Variants in DLG2 observed in about 807,000 individuals in gnomAD.
DLG2 encodes the protein disks large homolog 2.
Under a neutral mutation model 132.5 loss-of-function variants are expected in DLG2, and 45 were observed. The ratio of observed to expected loss-of-function variants is 0.34; its 90% CI spans 0.27 to 0.44. The LOEUF is 0.44. Ranked by LOEUF, DLG2 falls within the 20% of genes least tolerant of loss-of-function variation. The pLI, the probability that DLG2 is intolerant of heterozygous loss-of-function variation, is 1.00. For missense variants in DLG2, 1,045 were observed against 1,196.9 expected, an observed-to-expected ratio of 0.87 and a Z score of 1.87; for synonymous variants, 424 against 419.6, an observed-to-expected ratio of 1.01 and a Z score of -0.13.
chr11:83,904,386 T>G (rs1274605346), intron 15 of DLG2, among the ~76,000 whole-genome samples: 5 of 126,828 alleles, frequency 3.9e-5, no homozygotes, highest in African/African-American at 9.5e-5. Flanking sequence ...TGTGACAATT[T>G]GAAAAAAAAA....
At chr11:85,072,020 C>A (rs182796100) in intron 6 of DLG2, among the ~76,000 whole-genome samples, 7 of 151,850 alleles carry the variant, frequency 4.6e-5, no homozygotes, top group African/African-American at 1.2e-4. Context: ...TCTTAGCATC[C>A]CTATGTCACT....
At chr11:84,706,036 C>T (rs1201901833) in intron 6 of DLG2, among the ~76,000 whole-genome samples, 1 of 151,724 alleles carries the variant, frequency 6.6e-6, no homozygotes, top group East Asian at 1.9e-4. Context: ...GTCCATGACT[C>T]CATGTGAGCA....
intron 20 of DLG2, among the ~76,000 whole-genome samples, chr11:83,537,258 A>G (rs2095902600): frequency 1.3e-5 from 2 of 152,220 alleles, no homozygotes; most frequent in Admixed American, 1.3e-4. Context: ...CCCATCTGGT[A>G]TTTTTAGGTT....
chr11:85,439,390 C>T (rs1489307129), intron 3 of DLG2, among the ~76,000 whole-genome samples: 5 of 147,798 alleles, frequency 3.4e-5, no homozygotes, highest in Non-Finnish European at 7.4e-5. Context: ...TGGACAGCCT[C>T]GCTCTGTCGC....
At chr11:83,928,929 C>A (rs200411429) in intron 15 of DLG2, among the ~76,000 whole-genome samples, 1 of 152,244 alleles carries the variant, frequency 6.6e-6, no homozygotes, top group East Asian at 1.9e-4. Context: ...CACTTCCTTA[C>A]GGCTATGGTG....
intron 6 of DLG2, among the ~76,000 whole-genome samples, chr11:84,727,702 T>G (rs879777491): frequency 5.3e-5 from 8 of 152,200 alleles, no homozygotes; most frequent in Non-Finnish European, 1.2e-4. Context: ...ATGGCCATTT[T>G]CCCAATATTG....
At chr11:85,550,358 C>T (rs1022309952) in intron 3 of DLG2, among the ~76,000 whole-genome samples, 3 of 152,242 alleles carry the variant, frequency 2.0e-5, no homozygotes, top group African/African-American at 7.2e-5. Flanking sequence ...TGCAGGCACC[C>T]CAACTGGACG....
At chr11:85,102,426 C>A (rs1342389952) in intron 6 of DLG2, among the ~76,000 whole-genome samples, 1 of 151,824 alleles carries the variant, frequency 6.6e-6, no homozygotes, top group Non-Finnish European at 1.5e-5. Context: ...AGAAAAATAG[C>A]CCAGAGAAAG....
At chr11:85,147,044 T>G (rs1195057845) in intron 5 of DLG2, among the ~76,000 whole-genome samples, 1 of 152,188 alleles carries the variant, frequency 6.6e-6, no homozygotes, top group African/African-American at 2.4e-5. Flanking sequence ...CACTTCACTC[T>G]CTCTCCTGCG....
intron 10 of DLG2, among the ~76,000 whole-genome samples, chr11:84,092,910 C>A (rs1244777270): frequency 1.3e-5 from 2 of 151,822 alleles, no homozygotes; most frequent in Non-Finnish European, 2.9e-5. Flanking sequence ...GTGGCGGGCA[C>A]CTGCAGTCCC....
chr11:84,901,878 T>C (rs1421949309), intron 6 of DLG2, among the ~76,000 whole-genome samples: 1 of 152,112 alleles, frequency 6.6e-6, no homozygotes, highest in Admixed American at 6.6e-5. Flanking sequence ...CTAAACATTT[T>C]CTTAGTGTTG....
At chr11:84,961,555 T>A (rs1463697969) in intron 6 of DLG2, among the ~76,000 whole-genome samples, 1 of 151,800 alleles carries the variant, frequency 6.6e-6, no homozygotes, top group Non-Finnish European at 1.5e-5. Context: ...TGTGTGTGTG[T>A]GTGTGTGTGT....
chr11:83,669,857 A>T (rs1188783259), intron 18 of DLG2, among the ~76,000 whole-genome samples: 1 of 152,268 alleles, frequency 6.6e-6, no homozygotes, highest in Non-Finnish European at 1.5e-5. Context: ...GAAAGAGCAA[A>T]CACTTGCAAT....
intron 4 of DLG2, among the ~76,000 whole-genome samples, chr11:85,198,059 C>T (rs2081193466): frequency 6.6e-6 from 1 of 151,808 alleles, no homozygotes; most frequent in African/African-American, 2.4e-5. Context: ...CGGGACCAAA[C>T]TTATTAGACG....
At chr11:84,972,355 G>C (rs935225061) in intron 6 of DLG2, among the ~76,000 whole-genome samples, 1 of 152,126 alleles carries the variant, frequency 6.6e-6, no homozygotes, top group Non-Finnish European at 1.5e-5. Context: ...CCAACACTCT[G>C]ATTAAGTTAG....
chr11:84,724,251 G>T (rs2062153717), intron 6 of DLG2, among the ~76,000 whole-genome samples: 1 of 151,784 alleles, frequency 6.6e-6, no homozygotes, highest in African/African-American at 2.4e-5. Context: ...TTCCAATGTT[G>T]AAGTTCTCTG....
intron 8 of DLG2, among the ~76,000 whole-genome samples, chr11:84,178,603 T>G (rs950766962): frequency 3.3e-5 from 5 of 152,008 alleles, no homozygotes; most frequent in African/African-American, 1.2e-4. Flanking sequence ...CACTCACAAA[T>G]CCATTGGTGA....
chr11:84,798,812 T>C (rs1383543070), intron 6 of DLG2, among the ~76,000 whole-genome samples: 1 of 152,158 alleles, frequency 6.6e-6, no homozygotes, highest in Non-Finnish European at 1.5e-5. Flanking sequence ...GACTACATCC[T>C]TCCCTTCAAG....
chr11:84,056,319 T>A (rs1237450704), intron 11 of DLG2, among the ~76,000 whole-genome samples: 2 of 151,978 alleles, frequency 1.3e-5, no homozygotes, highest in East Asian at 3.9e-4. Context: ...GACCATGTGG[T>A]GTTTGGTTTT....
Sources: gnomAD v4.1 joint callset for allele counts (sites outside exome capture counted in the v4.1 genomes callset) on GRCh38, gnomAD v4.1.1 for gene constraint, MANE v1.5 for transcripts, NCBI Gene and HGNC (gene_info 2026-07-23, HGNC 2026-07-21) for gene names.